Variants in CCDC90B observed in about 807,000 individuals in gnomAD.
CCDC90B encodes coiled-coil domain containing 90B, also known as coiled-coil domain-containing protein 90B, mitochondrial.
Under a neutral mutation model 37.0 loss-of-function variants are expected in CCDC90B, and 24 were observed. The observed-to-expected ratio is 0.65, with a 90% CI of 0.47 to 0.91. The LOEUF (loss-of-function observed/expected upper bound fraction) is 0.91, where lower values mean the gene tolerates loss of function less well. Among genes scored for constraint, CCDC90B ranks in the 40% least tolerant of loss-of-function variants. The probability of loss-of-function intolerance (pLI) is 0.00; values close to 1 mark genes in which losing one functional copy is unlikely to be tolerated. For synonymous variants in CCDC90B, 113 were observed against 101.1 expected (o/e 1.12, Z -0.71); for missense variants, 319 against 299.0 (o/e 1.07, Z -0.49).
chr11:83,286,001 G>T lies in CCDC90B; in HGVS notation c.-29C>A, dbSNP rs746463049. ...CTCAGAGTTTTCCGGTGGGAGGGAG[G>T]CGGAAGACGGGGTAAATCTCGCACA... On this transcript the variant is annotated 5_prime_UTR_variant, in exon 1 of 9. Transcript: ENST00000529689. 29 of 1,590,394 alleles carry T rather than the reference G, an allele frequency of 1.8e-5. No individual in the cohort carries two copies. Among genetic ancestry groups the T allele is most frequent in the Admixed American group, 5.3e-5 (3 of 57,040 alleles).
intron 3 of CCDC90B, among the ~76,000 whole-genome samples, chr11:83,275,436 A>G (rs1283714089): frequency 6.6e-6 from 1 of 152,130 alleles, no homozygotes; most frequent in East Asian, 1.9e-4. Flanking sequence ...GAGTGCTGAC[A>G]TAACACTCAA....
At chr11:83,282,804 T>G (rs528835484) in intron 1 of CCDC90B, among the ~76,000 whole-genome samples, 1 of 152,330 alleles carries the variant, frequency 6.6e-6, no homozygotes, top group East Asian at 1.9e-4. Context: ...TGCACAGGAT[T>G]CTTTTGCAAA....
rs565969063 is a variant in CCDC90B, at chr11:83,270,929, C to T, written c.594+2718G>A. 2.6e-5 allele frequency among the ~76,000 whole-genome samples: 4 copies of T among 152,190 alleles called. No homozygotes were observed. The East Asian group carries it at 7.7e-4, about 29-fold the overall frequency. Reference sequence around the variant, plus strand: ...TGGTACTGGTACCAAAACAGATATACAGACCAATGGAACAGAACAGAGGCC... The same window carrying T: ...TGGTACTGGTACCAAAACAGATATATAGACCAATGGAACAGAACAGAGGCC... On this transcript the variant is annotated intron_variant, in intron 7 of 8. Coordinates refer to ENST00000529689, the MANE Select transcript of CCDC90B (RefSeq NM_021825.5).
At chr11:83,273,741 AAAAAT>A in intron 6 of CCDC90B, 41 bp from the exon 7 acceptor site, 1 of 1,600,918 alleles carries the variant, frequency 6.2e-7, no homozygotes, top group Non-Finnish European at 8.5e-7. Context: ...AAAAAAGTCT[AAAAAT>A]AAAAAAGGAG....
intron 1 of CCDC90B, among the ~76,000 whole-genome samples, chr11:83,281,415 G>C (rs967149140): frequency 2.6e-5 from 4 of 152,040 alleles, no homozygotes; most frequent in African/African-American, 9.7e-5. Flanking sequence ...GCAGGAAACA[G>C]ATATTGTTTT....
chr11:83,260,311 A>G lies in CCDC90B; in HGVS notation c.*1600T>C, dbSNP rs530077242. 23 of 152,364 alleles carry G rather than the reference A, an allele frequency of 1.5e-4. No individual in the cohort carries two copies. In the East Asian group the frequency reaches 4.4e-3, roughly 29 times the overall value. The allele number at this position is 152,364 out of a possible 1,614,324, so 9.4% of individuals were successfully genotyped here. The stretch of plus-strand genomic sequence containing the variant: ...GGGACTAGCATGCTGTTTGGCATAT[A>G]GCAGGCAGTCATATTGGTTAACTGA... On this transcript the variant is annotated 3_prime_UTR_variant, in exon 9 of 9. Coordinates refer to ENST00000529689, the MANE Select transcript of CCDC90B (RefSeq NM_021825.5).
Position 83,270,805 on chromosome 11 carries a change from C to T in CCDC90B, c.594+2842G>A, listed in dbSNP as rs559612289. 2.5e-3 allele frequency among the ~76,000 whole-genome samples: 379 copies of T among 152,260 alleles called. 4 individuals are homozygous for T. The highest frequency in any genetic ancestry group is 8.7e-3 in the African/African-American group (360 of 41,548). The stretch of plus-strand genomic sequence containing the variant: ...GTTCATATGGAACCAAAAAAGAGCC[C>T]GCATGGCGAAGACAATCCTAAGCAA... On this transcript the variant is annotated intron_variant, in intron 7 of 8. Coordinates refer to ENST00000529689, the MANE Select transcript of CCDC90B (RefSeq NM_021825.5).
At chr11:83,277,632 A>G (rs1274666255) in intron 3 of CCDC90B, among the ~76,000 whole-genome samples, 2 of 150,986 alleles carry the variant, frequency 1.3e-5, no homozygotes, top group Non-Finnish European at 3.0e-5. Context: ...ACAGGTGCCC[A>G]CCACCATGCC....
chr11:83,262,852 G>C (rs1864008428), intron 8 of CCDC90B, among the ~76,000 whole-genome samples: 1 of 152,154 alleles, frequency 6.6e-6, no homozygotes, highest in African/African-American at 2.4e-5. Context: ...ATAACACTAA[G>C]AGTTTCTTGT....
chr11:83,279,752 T>A (rs1441726524), intron 2 of CCDC90B, among the ~76,000 whole-genome samples: 1 of 152,162 alleles, frequency 6.6e-6, no homozygotes, highest in Non-Finnish European at 1.5e-5. Flanking sequence ...TTTTGTTCTA[T>A]TAGTCTATTC....
intron 7 of CCDC90B, among the ~76,000 whole-genome samples, chr11:83,272,397 TAAAC>T (rs1317357510): frequency 1.3e-5 from 2 of 152,142 alleles, no homozygotes; most frequent in Non-Finnish European, 2.9e-5. Flanking sequence ...CATAAGATGA[TAAAC>T]TAAGAAGCAA....
chr11:83,267,357 A>G (rs1267785118), intron 7 of CCDC90B: 4 of 152,236 alleles, frequency 2.6e-5, no homozygotes. Context: ...CAAGGAAGCT[A>G]AAAACCTTGA....
At chr11:83,269,414 A>G (rs1333576571) in intron 7 of CCDC90B, among the ~76,000 whole-genome samples, 1 of 152,174 alleles carries the variant, frequency 6.6e-6, no homozygotes, top group Non-Finnish European at 1.5e-5. Context: ...ACCACTAGCC[A>G]GACTAATAAA....
chr11:83,270,257 C>A (rs1241715289), intron 7 of CCDC90B, among the ~76,000 whole-genome samples: 1 of 152,192 alleles, frequency 6.6e-6, no homozygotes. Flanking sequence ...GACGAGGATG[C>A]CCTCTCTCAT....
chr11:83,265,244 AC>A (rs1429446922), intron 8 of CCDC90B, among the ~76,000 whole-genome samples: 1 of 152,180 alleles, frequency 6.6e-6, no homozygotes, highest in Non-Finnish European at 1.5e-5. Context: ...TCAGTATGTG[AC>A]AAATAATCTA....
chr11:83,270,735 G>T (rs185918602), intron 7 of CCDC90B, among the ~76,000 whole-genome samples: 1 of 151,210 alleles, frequency 6.6e-6, no homozygotes, highest in East Asian at 1.9e-4. Flanking sequence ...TCCCCATCAA[G>T]CTACCAATGA....
chr11:83,278,815 G>C lies in CCDC90B; in HGVS notation c.235C>G (p.Gln79Glu), dbSNP rs1253296747. 6.2e-7 allele frequency: 1 copy of C among 1,612,512 alleles called. No individual in the cohort carries two copies. The highest frequency in any genetic ancestry group is 1.7e-5 in the Admixed American group (1 of 59,966). Residue 79 changes from glutamine (Q) to glutamate (E), a missense_variant, in exon 3 of 9, where the codon CAA becomes GAA. Gln to Glu is a conservative substitution (Grantham distance 29). Transcript: ENST00000529689. Reference protein sequence around the residue: ...DLETHGFDKTQAETIVSALTA... With the variant: ...DLETHGFDKTEAETIVSALTA... The stretch of plus-strand genomic sequence containing the variant: ...AACGCTGATACAATTGTTTCTGCTT[G>C]TGTTTTGTCAAATCCTGTAGGCAGC...
chr11:83,278,874 C>T, intron 2 of CCDC90B, 45 bp from the exon 3 acceptor site: 1 of 1,121,852 alleles, frequency 8.9e-7, no homozygotes, highest in South Asian at 1.3e-5. Flanking sequence ...AAGTGTATAT[C>T]CTTATCAAAA....
At chr11:83,285,036 A>AT (rs1865597627) in intron 1 of CCDC90B, 1 of 856,332 alleles carries the variant, frequency 1.2e-6, no homozygotes, top group Non-Finnish European at 1.5e-6. Flanking sequence ...GGTGTGGATT[A>AT]AAATGAAACA....
Sources: allele counts gnomAD v4.1 joint callset (sites outside exome capture counted in the v4.1 genomes callset), GRCh38; gene constraint gnomAD v4.1.1; transcripts MANE v1.5; gene names NCBI Gene and HGNC (gene_info 2026-07-23, HGNC 2026-07-21).